ATAD3C: variants seen among roughly 807,000 people sequenced by gnomAD.
ATAD3C encodes the protein ATPase family AAA domain containing 3C.
ATAD3C carries 38 observed loss-of-function variants against 46.3 expected under a neutral mutation model. The ratio of observed to expected loss-of-function variants is 0.82; its 90% confidence interval spans 0.63 to 1.08. ATAD3C has a LOEUF of 1.08. Ranked by LOEUF, ATAD3C falls within the 50% of genes least tolerant of loss-of-function variation. The pLI is 0.00. For missense variants in ATAD3C, 563 were observed against 572.7 expected (o/e 0.98, Z 0.17); for synonymous variants, 220 against 236.4 (o/e 0.93, Z 0.63).
intron 11 of ATAD3C, among the ~76,000 whole-genome samples, chr1:1,464,335 A>T (rs1217597454): frequency 6.6e-6 from 1 of 151,482 alleles, no homozygotes; most frequent in Non-Finnish European, 1.5e-5. Flanking sequence ...CTCCCTGTGG[A>T]GTGTTCTTTG....
At position 1,469,568 on chromosome 1, in the gene ATAD3C, G is replaced by A. The variant is rs558604065; in HGVS notation, c.*1038G>A. On this transcript the variant is annotated 3_prime_UTR_variant, in exon 12 of 12. Transcript: ENST00000378785. ...TCTCTTATTTTTTTGGGTAGAGACA[G>A]GGTCCCTTTGTTGCCCAGGCTGGTC... 2.0e-5 allele frequency: 3 copies of A among 151,892 alleles called. No individual in the cohort carries two copies. The highest frequency in any genetic ancestry group is 4.8e-5 in the African/African-American group (2 of 41,324). 9.4% of individuals were successfully genotyped at this position (151,892 alleles called of 1,614,324 possible).
At chr1:1,455,071 G>T (rs1638930334) in intron 4 of ATAD3C, among the ~76,000 whole-genome samples, 1 of 151,588 alleles carries the variant, frequency 6.6e-6, no homozygotes, top group Admixed American at 6.6e-5. Flanking sequence ...CAAAAAATTA[G>T]CCGGGCGTGG....
Position 1,462,687 on chromosome 1 carries a change from ACAGCTGGCCGTGTCCTGGCAGGTGAGT to A in ATAD3C, c.1072_1089+9del. 1 of 1,604,848 alleles carries A rather than the reference ACAGCTGGCCGTGTCCTGGCAGGTGAGT, an allele frequency of 6.2e-7. No individual in the cohort carries two copies. The highest frequency in any genetic ancestry group is 1.3e-5 in the African/African-American group (1 of 74,962). On this transcript the variant is annotated splice_donor_variant and splice_donor_5th_base_variant and coding_sequence_variant and intron_variant, in exon 11 of 12. Transcript: ENST00000378785. LOFTEE classifies it high-confidence loss of function. The surrounding 1 kb of genome is among the most constrained non-coding windows in gnomAD (Gnocchi z 4.5). The stretch of plus-strand genomic sequence containing the variant: ...AGGGCATGTCATGCCGGAAGATCGC[ACAGCTGGCCGTGTCCTGGCAGGTGAGT>A]CAGGCTCGGGTGCACCCACCCAGAT...
rs191626050 is a variant in ATAD3C at position 1,455,550 on chromosome 1, G to A, written c.438+31G>A. The A allele has an allele frequency of 2.9e-4, 473 of 1,611,862 alleles. 5 individuals carry two copies. In the East Asian group the frequency reaches 3.5e-3, roughly 12 times the overall value. The stretch of plus-strand genomic sequence containing the variant: ...TCGGTGTGCCTGGGACCGGGGAGGC[G>A]CAGGGAGGGGACCCCGGAGCTGGGC... On this transcript the variant is annotated intron_variant, in intron 5 of 11. Transcript: ENST00000378785.
intron 4 of ATAD3C, 24 bp from the exon 5 acceptor site, chr1:1,455,436 A>G (rs764035573): frequency 4.7e-5 from 76 of 1,610,062 alleles, no homozygotes; most frequent in African/African-American, 4.1e-4. Context: ...AGGTGACCCA[A>G]TGGTGCTTCC....
At chr1:1,468,282 T>C in intron 11 of ATAD3C, 102 bp from the exon 12 acceptor site, 1 of 1,471,484 alleles carries the variant, frequency 6.8e-7, no homozygotes, top group East Asian at 2.5e-5. Context: ...CAGGCCATCC[T>C]GGAGCCCCTG....
At chr1:1,456,099 T>C in intron 6 of ATAD3C, 126 bp from the exon 7 acceptor site, 4 of 1,421,082 alleles carry the variant, frequency 2.8e-6, no homozygotes, top group Non-Finnish European at 3.7e-6. Flanking sequence ...GGACGTCTCC[T>C]GTCTGGCAGG....
At chr1:1,461,431 G>A (rs968855944) in intron 10 of ATAD3C, among the ~76,000 whole-genome samples, 4 of 151,930 alleles carry the variant, frequency 2.6e-5, no homozygotes, top group African/African-American at 7.3e-5. Flanking sequence ...CAGGTGATCC[G>A]CCCGCTTCAG....
At chr1:1,453,800 C>T (rs969805708) in intron 3 of ATAD3C, among the ~76,000 whole-genome samples, 13 of 151,784 alleles carry the variant, frequency 8.6e-5, no homozygotes, top group African/African-American at 2.7e-4. Context: ...CCATCATGGC[C>T]AGCTAACTTT....
intron 1 of ATAD3C, 89 bp downstream of exon 1, chr1:1,450,847 C>T (rs1339683620): frequency 1.0e-4 from 161 of 1,569,974 alleles, no homozygotes; most frequent in Non-Finnish European, 1.2e-4. Flanking sequence ...TGGGTAGGGC[C>T]GGGGGTGTGT....
chr1:1,454,128 A>G (rs1638909377), intron 3 of ATAD3C, among the ~76,000 whole-genome samples: 1 of 152,026 alleles, frequency 6.6e-6, no homozygotes, highest in South Asian at 2.1e-4. Flanking sequence ...TGCAGAGAAA[A>G]TGGCCCTGAG....
At chr1:1,455,109 C>T (rs987843437) in intron 4 of ATAD3C, among the ~76,000 whole-genome samples, 8 of 148,228 alleles carry the variant, frequency 5.4e-5, no homozygotes, top group Admixed American at 3.5e-4. Context: ...CCCAGCTACT[C>T]GGGAGGCTGA....
rs376118699 is a variant in ATAD3C, at chr1:1,468,863, G to A, written c.*333G>A. 0.012 allele frequency: 3,729 copies of A among 315,120 alleles called. 171 individuals carry two copies. Among genetic ancestry groups the A allele is most frequent in the African/African-American group, 0.077 (3,438 of 44,716 alleles). The allele number at this position is 315,120 out of a possible 1,614,324, so 19.5% of individuals were successfully genotyped here. A position where few individuals can be genotyped will look rare whatever the true frequency, so the allele number is the denominator to read the frequency against. ...GTGCCCCTTCGCCTCCCTCCCCTCC[G>A]CCAGAGCTGCCTGTGGCCAGACACA... On this transcript the variant is annotated 3_prime_UTR_variant, in exon 12 of 12. Transcript: ENST00000378785.
Position 1,455,870 on chromosome 1 carries a change from T to C in ATAD3C, c.518T>C (p.Ile173Thr), listed in dbSNP as rs755781448. The C allele has an allele frequency of 1.2e-6, 2 of 1,613,276 alleles. No homozygotes were observed. Among genetic ancestry groups the C allele is most frequent in the Admixed American group, 1.7e-5 (1 of 59,974 alleles). The change falls in exon 6 of 12, where the codon ATC becomes ACC. Residue 173 changes from isoleucine (I) to threonine (T), a missense_variant. Physicochemically the swap from Ile to Thr is moderately conservative, Grantham distance 89. Coordinates refer to ENST00000378785, the MANE Select transcript of ATAD3C (RefSeq NM_001039211.3). ...IKKNRGLYRH[I>T]LLYGPPGTGK... ...AAGAACCGGGGCCTGTACAGGCACA[T>C]CCTGCTGTACGGGCCACCAGGCACC... is the stretch of plus-strand genomic sequence containing the variant.
At chr1:1,456,991 C>T (rs1251449628) in intron 7 of ATAD3C, 138 bp from the exon 8 acceptor site, 17 of 1,221,632 alleles carry the variant, frequency 1.4e-5, no homozygotes, top group Non-Finnish European at 1.9e-5. Context: ...CTGTCAGGTC[C>T]AGGACTTAGG....
chr1:1,455,683 G>A (rs2100477730), intron 5 of ATAD3C, 108 bp from the exon 6 acceptor site: 1 of 1,564,558 alleles, frequency 6.4e-7, no homozygotes, highest in Non-Finnish European at 8.7e-7. Context: ...CACGAGCTGG[G>A]TGGCTCCCCG....
chr1:1,462,684 C>A lies in ATAD3C; in HGVS notation c.1065C>A (p.Ile355=). ...RLTEGMSCRK[I]AQLAVSWQAT... The stretch of plus-strand genomic sequence containing the variant: ...CAGAGGGCATGTCATGCCGGAAGAT[C>A]GCACAGCTGGCCGTGTCCTGGCAGG... The change falls in exon 11 of 12, where the codon ATC becomes ATA. Residue 355 remains isoleucine, a synonymous_variant. Coordinates refer to ENST00000378785, the MANE Select transcript of ATAD3C (RefSeq NM_001039211.3). This position sits in a 1 kb window ranked among gnomAD's most constrained non-coding sequence, Gnocchi z 4.5. 6.2e-7 allele frequency: 1 copy of A among 1,605,254 alleles called. No homozygotes were observed. Among genetic ancestry groups the A allele is most frequent in the East Asian group, 2.2e-5 (1 of 44,640 alleles).
intron 1 of ATAD3C, among the ~76,000 whole-genome samples, chr1:1,451,680 C>A (rs193210714): frequency 3.9e-5 from 6 of 152,176 alleles, no homozygotes; most frequent in African/African-American, 1.4e-4. Context: ...AGGCGGGGTT[C>A]ACGTGTTGCC....
chr1:1,468,445 A>G lies in ATAD3C; in HGVS notation c.1151A>G (p.Gln384Arg). Residue 384 changes from glutamine to arginine, a missense_variant, in exon 12 of 12, where the codon CAA becomes CGA. By Grantham distance (43) the Gln-to-Arg change is conservative. Around this residue, in one of 3 missense-constraint regions of ATAD3C, gnomAD observed 273 missense variants for 253.5 expected, o/e 1.08. Transcript: ENST00000378785. Reference sequence around the variant, plus strand: ...GAGGCCATGATGGACGCCTGCGTGCAAGACTTTGTCCAGCAGCACCAGCAG... The same window carrying G: ...GAGGCCATGATGGACGCCTGCGTGCGAGACTTTGTCCAGCAGCACCAGCAG... Reference protein sequence around the residue: ...LTEAMMDACVQDFVQQHQQMM... With the variant: ...LTEAMMDACVRDFVQQHQQMM... 1.2e-6 allele frequency: 2 copies of G among 1,613,196 alleles called. No individual in the cohort carries two copies. Among genetic ancestry groups the G allele is most frequent in the Non-Finnish European group, 1.7e-6 (2 of 1,179,536 alleles).
Sources: allele counts gnomAD v4.1 joint callset (sites outside exome capture counted in the v4.1 genomes callset), GRCh38; gene constraint gnomAD v4.1.1; regional missense constraint gnomAD v4.1.1; non-coding constraint Gnocchi (gnomAD v3.1); transcripts MANE v1.5; gene names NCBI Gene and HGNC (gene_info 2026-07-23, HGNC 2026-07-21).